Variants in ATP11A observed in about 807,000 individuals in gnomAD.
The protein encoded by ATP11A is ATPase phospholipid transporting 11A, also known as phospholipid-transporting ATPase IH.
A neutral mutation model predicts 154.4 loss-of-function variants in ATP11A; 81 were observed. The observed-to-expected ratio is 0.52, with a 90% CI of 0.44 to 0.63. The LOEUF (loss-of-function observed/expected upper bound fraction) is 0.63. Ranked by LOEUF, ATP11A falls within the 30% of genes least tolerant of loss-of-function variation. The pLI is 0.00. For synonymous variants in ATP11A, 623 were observed against 585.9 expected (o/e 1.06, Z -0.91); for missense variants, 1,316 against 1,474.3 (o/e 0.89, Z 1.76).
chr13:112,705,884 T>C (rs1452686965), intron 1 of ATP11A, among the ~76,000 whole-genome samples: 1 of 152,232 alleles, frequency 6.6e-6, no homozygotes, highest in Non-Finnish European at 1.5e-5. Flanking sequence ...ATTTTTTTAT[T>C]GTGGCAAAAC....
At chr13:112,857,997 G>C in intron 21 of ATP11A, 77 bp downstream of exon 21, 2 of 1,570,534 alleles carry the variant, frequency 1.3e-6, no homozygotes, top group Non-Finnish European at 1.8e-6. Flanking sequence ...ATGGCAGCAC[G>C]CAGGTGCATT....
At chr13:112,845,170 G>A (rs909202832) in intron 17 of ATP11A, among the ~76,000 whole-genome samples, 6 of 149,228 alleles carry the variant, frequency 4.0e-5, no homozygotes, top group East Asian at 2.0e-4. Context: ...GTTGCCAGGC[G>A]CTAGCAGTAC....
At chr13:112,854,674 G>A in intron 19 of ATP11A, 144 bp downstream of exon 19, 1 of 994,674 alleles carries the variant, frequency 1.0e-6, no homozygotes, top group Non-Finnish European at 1.4e-6. Flanking sequence ...AGCTTCTTAG[G>A]GGTCAGGTGA....
At chr13:112,853,620 G>A (rs991055522) in intron 18 of ATP11A, among the ~76,000 whole-genome samples, 4 of 152,174 alleles carry the variant, frequency 2.6e-5, no homozygotes, top group Admixed American at 6.5e-5. Context: ...CTTCTGCAGC[G>A]TCTGCAGGCT....
At position 112,854,475 on chromosome 13, in the gene ATP11A, C is replaced by T; in HGVS notation, c.2188C>T (p.Leu730=). ...GAGCCTGCACGACGTCCTGTTCGAGCTGAGCAAGACGGTCCTGCGCCACAG... is the reference window on the plus strand; with the variant it reads ...GAGCCTGCACGACGTCCTGTTCGAGTTGAGCAAGACGGTCCTGCGCCACAG... ...EQSLHDVLFE[L]SKTVLRHSGS... is the part of the protein sequence containing the mutation. Residue 730 remains leucine (L), a synonymous_variant, in exon 19 of 30, where the codon CTG becomes TTG. Coordinates refer to ENST00000375645, the MANE Select transcript of ATP11A (RefSeq NM_015205.3). 4 of 1,612,550 alleles carry T rather than the reference C, an allele frequency of 2.5e-6. No individual in the cohort carries two copies. Among genetic ancestry groups the T allele is most frequent in the Non-Finnish European group, 3.4e-6 (4 of 1,180,016 alleles).
intron 1 of ATP11A, among the ~76,000 whole-genome samples, chr13:112,770,946 G>A (rs55928054): frequency 0.032 from 4,865 of 152,286 alleles, 116 homozygotes; most frequent in Non-Finnish European, 0.048. Flanking sequence ...GGCCATTAGG[G>A]AGAATCGCCC....
intron 1 of ATP11A, among the ~76,000 whole-genome samples, chr13:112,735,029 C>T (rs1890854723): frequency 6.6e-6 from 1 of 151,990 alleles, no homozygotes; most frequent in South Asian, 2.1e-4. Flanking sequence ...TAAAAGAGGA[C>T]TTTTTTTAAA....
rs2076760668 is a variant in ATP11A, at chr13:112,754,132, A to G, written c.40-31003A>G. ...GCCTGGGGCCTTCATCCTGAGCCGC[A>G]GTTGGAGCCACGGTCCCTGCTGCTG... On this transcript the variant is annotated intron_variant, in intron 1 of 29. Transcript: ENST00000375645. This position sits in a 1 kb window ranked among gnomAD's most constrained non-coding sequence, Gnocchi z 5.3. 6.6e-6 allele frequency among the ~76,000 whole-genome samples: 1 copy of G among 152,148 alleles called. No individual in the cohort carries two copies. The highest frequency in any genetic ancestry group is 6.5e-5 in the Admixed American group (1 of 15,278).
rs948901414 is a variant in ATP11A, at chr13:112,721,779, T to C, written c.39+31324T>C. 3.3e-5 allele frequency among the ~76,000 whole-genome samples: 5 copies of C among 152,338 alleles called. 1 individual carries two copies. The Middle Eastern group carries it at 0.014, about 415-fold the overall frequency. On this transcript the variant is annotated intron_variant, in intron 1 of 29. Transcript: ENST00000375645. ...GAATGACATTGCATATAACTGCTTT[T>C]TTAGAGTGTTAAGAAAAAGGCTGTT...
Position 112,881,478 on chromosome 13 carries a change from A to T in ATP11A, c.*10-398A>T, listed in dbSNP as rs7327930. The T allele has an allele frequency of 1.1e-3, 1,180 of 1,097,488 alleles. 14 individuals are homozygous for T. In the African/African-American group the frequency reaches 0.018, roughly 17 times the overall value. The allele number at this position is 1,097,488 out of a possible 1,614,324, so 68.0% of individuals were successfully genotyped here. ...GTTCGAGCTCACTGCACAGGAAGCC[A>T]GCTACAGGGAGGAAGCTCGTAGGTT... is the stretch of plus-strand genomic sequence containing the variant. On this transcript the variant is annotated intron_variant, in intron 29 of 29. Coordinates refer to ENST00000375645, the MANE Select transcript of ATP11A (RefSeq NM_015205.3).
rs1488613286 is a variant in ATP11A, at chr13:112,838,828, A to T, written c.1705+2577A>T. 6.6e-6 allele frequency among the ~76,000 whole-genome samples: 1 copy of T among 152,178 alleles called. No homozygotes were observed. The highest frequency in any genetic ancestry group is 1.5e-5 in the Non-Finnish European group (1 of 68,036). On this transcript the variant is annotated intron_variant, in intron 16 of 29. Transcript: ENST00000375645. The surrounding 1 kb of genome is among the most constrained non-coding windows in gnomAD (Gnocchi z 7.3). ...TCAGTTACTTTTAAGAGAAGTTTGA[A>T]TATGTAATTAAGCAAGGTGTTCTGT... is the stretch of plus-strand genomic sequence containing the variant.
At chr13:112,825,680 C>G (rs938319058) in intron 11 of ATP11A, 100 bp downstream of exon 11, 1 of 1,357,018 alleles carries the variant, frequency 7.4e-7, no homozygotes, top group African/African-American at 1.5e-5. Flanking sequence ...TTACTGTAGG[C>G]AAAAAGCAGC....
At chr13:112,756,207 CTT>C (rs2076828141) in intron 1 of ATP11A, among the ~76,000 whole-genome samples, 2 of 152,214 alleles carry the variant, frequency 1.3e-5, no homozygotes, top group African/African-American at 4.8e-5. Flanking sequence ...TTAAATAAAA[CTT>C]AGTCTGTGAA....
intron 2 of ATP11A, among the ~76,000 whole-genome samples, chr13:112,793,036 C>T (rs1241189848): frequency 2.0e-5 from 3 of 152,150 alleles, no homozygotes; most frequent in Non-Finnish European, 4.4e-5. Flanking sequence ...TTTATTATAT[C>T]ATGTAATCTC....
chr13:112,718,220 T>C (rs997953971), intron 1 of ATP11A, among the ~76,000 whole-genome samples: 2 of 152,292 alleles, frequency 1.3e-5, no homozygotes, highest in Non-Finnish European at 2.9e-5. Flanking sequence ...AGAACACTCA[T>C]TGCTTTTACC....
chr13:112,739,960 G>T (rs1891363332), intron 1 of ATP11A, among the ~76,000 whole-genome samples: 1 of 152,116 alleles, frequency 6.6e-6, no homozygotes, highest in Admixed American at 6.5e-5. Flanking sequence ...TTAATGGTTG[G>T]CAGGGGCTGG....
In ATP11A at chr13:112,728,286, G is replaced by A. The variant is rs142638859; in HGVS notation, c.39+37831G>A. The stretch of plus-strand genomic sequence containing the variant: ...TCCCTGTGTTACCTGTATGTACCAC[G>A]TTGTCAGTATCCACGCGTGGATGGG... On this transcript the variant is annotated intron_variant, in intron 1 of 29. Coordinates refer to ENST00000375645, the MANE Select transcript of ATP11A (RefSeq NM_015205.3). Among the ~76,000 whole-genome samples, 826 of 149,670 alleles carry A rather than the reference G, an allele frequency of 5.5e-3. 7 individuals are homozygous for A. Among genetic ancestry groups the A allele is most frequent in the African/African-American group, 0.018 (743 of 40,718 alleles).
At chr13:112,814,053 T>C (rs1237370950) in intron 5 of ATP11A, among the ~76,000 whole-genome samples, 1 of 152,024 alleles carries the variant, frequency 6.6e-6, no homozygotes, top group Non-Finnish European at 1.5e-5. Flanking sequence ...ATTTTTTTTT[T>C]CTTTTTTTTA....
At chr13:112,840,273 C>A (rs35327689) in intron 16 of ATP11A, among the ~76,000 whole-genome samples, 56 of 69,238 alleles carry the variant, frequency 8.1e-4, no homozygotes, top group East Asian at 1.1e-3. Flanking sequence ...TGCCCTCCAG[C>A]CTCAGCCTCC....
Sources: gnomAD v4.1 joint callset for allele counts (sites outside exome capture counted in the v4.1 genomes callset) on GRCh38, gnomAD v4.1.1 for gene constraint, Gnocchi (gnomAD v3.1) non-coding constraint, MANE v1.5 for transcripts, NCBI Gene and HGNC (gene_info 2026-07-23, HGNC 2026-07-21) for gene names.